The following TMEM163 variants were observed in gnomAD, a reference collection of about 807,000 sequenced individuals.
TMEM163 encodes the protein transmembrane protein 163.
In TMEM163, 17 loss-of-function variants were observed where a neutral mutation model predicts 29.3. The ratio of observed to expected loss-of-function variants is 0.58; its 90% CI spans 0.40 to 0.87. TMEM163 has a LOEUF of 0.87. Among genes scored for constraint, TMEM163 ranks in the 40% least tolerant of loss-of-function variants. The pLI is 0.00. For missense variants in TMEM163, 303 were observed against 381.5 expected, an observed-to-expected ratio of 0.79 and a Z score of 1.71; for synonymous variants, 157 against 160.6, an observed-to-expected ratio of 0.98 and a Z score of 0.17.
intron 2 of TMEM163, among the ~76,000 whole-genome samples, chr2:134,568,695 A>C (rs925702770): frequency 1.3e-5 from 2 of 151,924 alleles, no homozygotes; most frequent in African/African-American, 4.8e-5. Flanking sequence ...GAAAAAAGGA[A>C]AGAAAGAAAA....
chr2:134,501,682 C>T (rs10211638), intron 5 of TMEM163, among the ~76,000 whole-genome samples: 9 of 152,100 alleles, frequency 5.9e-5, no homozygotes, highest in African/African-American at 1.2e-4. Flanking sequence ...AGGAGGAGGA[C>T]GCGAGAGTCC....
chr2:134,533,419 G>A (rs917864637), intron 4 of TMEM163, among the ~76,000 whole-genome samples: 2 of 152,198 alleles, frequency 1.3e-5, no homozygotes, highest in Admixed American at 1.3e-4. Flanking sequence ...TGCAAAGTAA[G>A]TATTCTGGAA....
intron 2 of TMEM163, among the ~76,000 whole-genome samples, chr2:134,581,674 G>C (rs1035234208): frequency 1.3e-5 from 2 of 152,112 alleles, no homozygotes; most frequent in African/African-American, 4.8e-5. Context: ...GAGAAAACAA[G>C]TTCAAAAGTC....
intron 4 of TMEM163, among the ~76,000 whole-genome samples, chr2:134,511,704 T>C (rs917057195): frequency 2.6e-5 from 4 of 152,212 alleles, no homozygotes; most frequent in African/African-American, 9.6e-5. Flanking sequence ...AGTGGCTGTT[T>C]TGAAAGATTT....
intron 4 of TMEM163, among the ~76,000 whole-genome samples, chr2:134,529,207 TG>T: frequency 6.6e-6 from 1 of 151,998 alleles, no homozygotes; most frequent in Middle Eastern, 3.4e-3. Context: ...GGTGCATGTC[TG>T]TAATCCCAGC....
At chr2:134,671,663 C>A (rs1231573982) in intron 2 of TMEM163, among the ~76,000 whole-genome samples, 1 of 152,208 alleles carries the variant, frequency 6.6e-6, no homozygotes, top group Non-Finnish European at 1.5e-5. Context: ...ACATTCCCCA[C>A]CCCCTGGAAA....
intron 2 of TMEM163, among the ~76,000 whole-genome samples, chr2:134,704,768 C>T (rs910662235): frequency 2.0e-5 from 3 of 152,184 alleles, no homozygotes; most frequent in Non-Finnish European, 4.4e-5. Flanking sequence ...ATGAGCTCTT[C>T]ATTATCTCTG....
chr2:134,617,073 T>C (rs1682623502), intron 2 of TMEM163, among the ~76,000 whole-genome samples: 1 of 152,224 alleles, frequency 6.6e-6, no homozygotes, highest in African/African-American at 2.4e-5. Context: ...TCTTTTCTTC[T>C]TTTAATTTCT....
At chr2:134,457,019 A>G (rs2106470457) in intron 7 of TMEM163, among the ~76,000 whole-genome samples, 1 of 151,934 alleles carries the variant, frequency 6.6e-6, no homozygotes, top group South Asian at 2.1e-4. Context: ...GCCTCTATGG[A>G]TTTGCCTATT....
chr2:134,657,536 C>T (rs1007008274), intron 2 of TMEM163, among the ~76,000 whole-genome samples: 5 of 146,670 alleles, frequency 3.4e-5, no homozygotes, highest in African/African-American at 8.1e-5. Context: ...GGCATGGTGG[C>T]GCATGCCTGT....
At chr2:134,480,196 C>T (rs1463519892) in intron 5 of TMEM163, among the ~76,000 whole-genome samples, 1 of 152,198 alleles carries the variant, frequency 6.6e-6, no homozygotes, top group Non-Finnish European at 1.5e-5. Context: ...CACCTCCTAA[C>T]ACTCTCCCCT....
chr2:134,718,564 G>A lies in TMEM163; in HGVS notation c.202+170C>T, dbSNP rs980231675. On this transcript the variant is annotated intron_variant, in intron 1 of 7. Transcript: ENST00000281924. Reference sequence around the variant, plus strand: ...CGCAGCCGAGGCGGTGCCGGCCGCAGAAGGTGGGGCTGCCGCTCTCGGCTA... The same window carrying A: ...CGCAGCCGAGGCGGTGCCGGCCGCAAAAGGTGGGGCTGCCGCTCTCGGCTA... Among the ~76,000 whole-genome samples, 48 of 152,298 alleles carry A rather than the reference G, an allele frequency of 3.2e-4. 2 individuals carry two copies. The highest frequency in any genetic ancestry group is 1.1e-3 in the African/African-American group (47 of 41,586).
intron 2 of TMEM163, among the ~76,000 whole-genome samples, chr2:134,709,757 G>A (rs1423519514): frequency 6.6e-6 from 1 of 152,144 alleles, no homozygotes; most frequent in Non-Finnish European, 1.5e-5. Context: ...GTGCCTCACT[G>A]TACCCTCCTC....
chr2:134,699,036 CT>C (rs1216171065), intron 2 of TMEM163, among the ~76,000 whole-genome samples: 1 of 152,052 alleles, frequency 6.6e-6, no homozygotes, highest in Non-Finnish European at 1.5e-5. Flanking sequence ...GTGACCAGCA[CT>C]TTTTTTAAAT....
chr2:134,457,647 C>A (rs913483740), intron 7 of TMEM163, among the ~76,000 whole-genome samples: 41 of 152,348 alleles, frequency 2.7e-4, no homozygotes, highest in African/African-American at 9.9e-4. Flanking sequence ...CACACTGTTG[C>A]ATCCCCCATT....
intron 4 of TMEM163, among the ~76,000 whole-genome samples, chr2:134,533,520 A>C (rs1442641887): frequency 6.6e-6 from 1 of 152,250 alleles, no homozygotes; most frequent in Non-Finnish European, 1.5e-5. Context: ...TAATTGAAAC[A>C]TATTGGTTCT....
chr2:134,572,442 C>A (rs919166799), intron 2 of TMEM163, among the ~76,000 whole-genome samples: 1 of 152,198 alleles, frequency 6.6e-6, no homozygotes, highest in Non-Finnish European at 1.5e-5. Flanking sequence ...GACAAAGATA[C>A]CTCTCCAATC....
chr2:134,651,429 A>G (rs1406189230), intron 2 of TMEM163, among the ~76,000 whole-genome samples: 1 of 119,394 alleles, frequency 8.4e-6, no homozygotes, highest in Non-Finnish European at 1.7e-5. Flanking sequence ...AGTTCATTGT[A>G]GATTCTGGAT....
At chr2:134,677,469 A>AC (rs566526737) in intron 2 of TMEM163, among the ~76,000 whole-genome samples, 2 of 151,876 alleles carry the variant, frequency 1.3e-5, no homozygotes, top group Admixed American at 6.6e-5. Flanking sequence ...ATATAGTTGG[A>AC]TTTTTTTTAA....
Sources: allele counts gnomAD v4.1 joint callset (sites outside exome capture counted in the v4.1 genomes callset), GRCh38; gene constraint gnomAD v4.1.1; transcripts MANE v1.5; gene names NCBI Gene and HGNC (gene_info 2026-07-23, HGNC 2026-07-21).